EMID1: variants seen among roughly 807,000 people sequenced by gnomAD.
EMID1 encodes the protein EMI domain-containing protein 1.
Under a neutral mutation model 60.6 loss-of-function variants are expected in EMID1, and 40 were observed. The ratio of observed to expected loss-of-function variants is 0.66; its 90% CI spans 0.51 to 0.86. The LOEUF is 0.86. Among genes scored for constraint, EMID1 ranks in the 40% least tolerant of loss-of-function variants. The probability of loss-of-function intolerance (pLI) is 0.00; values close to 1 mark genes in which losing one functional copy is unlikely to be tolerated. For missense variants in EMID1, 585 were observed against 597.1 expected (o/e 0.98, Z 0.21); for synonymous variants, 242 against 231.0 (o/e 1.05, Z -0.43).
In EMID1 at chr22:29,238,541, C is replaced by G. The variant is rs937299461; in HGVS notation, c.1074+4192C>G. On this transcript the variant is annotated intron_variant, in intron 12 of 14. Transcript: ENST00000334018. ...CAAGCGATTCTCCTGCCTCAGCCTCCCAAATAGCTGGGATTACAGGCACCT... is the reference window on the plus strand; with the variant it reads ...CAAGCGATTCTCCTGCCTCAGCCTCGCAAATAGCTGGGATTACAGGCACCT... Among the ~76,000 whole-genome samples the G allele has an allele frequency of 5.6e-5, 8 of 142,482 alleles. 2 individuals are homozygous for G. Among genetic ancestry groups the G allele is most frequent in the African/African-American group, 2.2e-4 (8 of 35,740 alleles). The allele number at this position is 142,482 out of a possible 152,430, so 93.5% of individuals were successfully genotyped here.
chr22:29,227,704 CAAAAAAA>C (rs560219761), intron 5 of EMID1, among the ~76,000 whole-genome samples: 1 of 88,952 alleles, frequency 1.1e-5, no homozygotes, highest in Non-Finnish European at 2.1e-5. Context: ...GACTCTGTCT[CAAAAAAA>C]AAAAAAAAAA....
chr22:29,245,368 C>T (rs1172066882), intron 13 of EMID1, among the ~76,000 whole-genome samples: 1 of 152,200 alleles, frequency 6.6e-6, no homozygotes, highest in Non-Finnish European at 1.5e-5. Context: ...TTGGGCAGTC[C>T]TGTCCCTTCA....
intron 13 of EMID1, among the ~76,000 whole-genome samples, chr22:29,253,725 C>T (rs1360572081): frequency 6.6e-6 from 1 of 152,150 alleles, no homozygotes; most frequent in Non-Finnish European, 1.5e-5. Flanking sequence ...ACTCACTGAT[C>T]GGAGTAATTA....
At chr22:29,225,826 C>T (rs1296675196) in intron 4 of EMID1, among the ~76,000 whole-genome samples, 1 of 152,246 alleles carries the variant, frequency 6.6e-6, no homozygotes, top group Non-Finnish European at 1.5e-5. Flanking sequence ...GCTGGGCCAG[C>T]AGCTGGGAGG....
intron 13 of EMID1, among the ~76,000 whole-genome samples, chr22:29,250,465 C>G (rs1227291489): frequency 1.3e-5 from 2 of 152,206 alleles, no homozygotes; most frequent in Non-Finnish European, 2.9e-5. Context: ...GGCAGGGGCA[C>G]CTGTGGTGCC....
intron 8 of EMID1, 129 bp downstream of exon 8, chr22:29,232,531 C>T: frequency 9.3e-7 from 1 of 1,077,304 alleles, no homozygotes; most frequent in Non-Finnish European, 1.3e-6. Flanking sequence ...GTGACCCAGT[C>T]CTCCAGCAGG....
At position 29,215,600 on chromosome 22, in the gene EMID1, C is replaced by G; in HGVS notation, c.289C>G (p.Pro97Ala). The change falls in exon 3 of 15, where the codon CCT becomes GCT. Residue 97 changes from proline (P) to alanine (A), a missense_variant. Physicochemically the swap from Pro to Ala is conservative, Grantham distance 27. Coordinates refer to ENST00000334018, the MANE Select transcript of EMID1 (RefSeq NM_133455.4). Reference protein sequence around the residue: ...IVTAREWRCCPGHSGVSCEEV... With the variant: ...IVTAREWRCCAGHSGVSCEEV... Reference sequence around the variant, plus strand: ...GACCGCCCGTGAGTGGAGGTGCTGCCCTGGGCACTCAGGAGTGAGCTGCGA... The same window carrying G: ...GACCGCCCGTGAGTGGAGGTGCTGCGCTGGGCACTCAGGAGTGAGCTGCGA... The G allele has an allele frequency of 1.2e-6, 2 of 1,614,108 alleles. No homozygotes were observed. Among genetic ancestry groups the G allele is most frequent in the Non-Finnish European group, 1.7e-6 (2 of 1,179,982 alleles).
In EMID1 at chr22:29,258,146, C is replaced by A. The variant is rs1004615121; in HGVS notation, c.1205-671C>A. On this transcript the variant is annotated intron_variant, in intron 14 of 14. Transcript: ENST00000334018. ...TCTCCTCCCTGAGTGTCCATCTCCCCCTAGAAAAACAGCCTATTCTTCTGA... is the reference window on the plus strand; with the variant it reads ...TCTCCTCCCTGAGTGTCCATCTCCCACTAGAAAAACAGCCTATTCTTCTGA... Among the ~76,000 whole-genome samples the A allele has an allele frequency of 4.6e-5, 7 of 152,302 alleles. No homozygotes were observed. In the East Asian group the frequency reaches 1.3e-3, roughly 29 times the overall value.
In EMID1 at chr22:29,231,697, T is replaced by A. The variant is rs1442258275; in HGVS notation, c.676+15T>A. The A allele has an allele frequency of 1.4e-6, 2 of 1,447,264 alleles. No individual in the cohort carries two copies. Among genetic ancestry groups the A allele is most frequent in the Non-Finnish European group, 1.8e-6 (2 of 1,096,156 alleles). The allele number at this position is 1,447,264 out of a possible 1,614,324, so 89.7% of individuals were successfully genotyped here. ...AGGCCCACCAGGTGAGTGCCCGCAA[T>A]GCTGCCCCACAGCTCCTCTGGCCAT... On this transcript the variant is annotated intron_variant, in intron 7 of 14. Transcript: ENST00000334018.
At position 29,236,921 on chromosome 22, in the gene EMID1, C is replaced by T. The variant is rs1336753149; in HGVS notation, c.1074+2572C>T. On this transcript the variant is annotated intron_variant, in intron 12 of 14. Transcript: ENST00000334018. ...AAGCAATTCTCCTGCCTCAGCCTCCCAAGTAGCTGGGACTACAGGCGCCCA... is the reference window on the plus strand; with the variant it reads ...AAGCAATTCTCCTGCCTCAGCCTCCTAAGTAGCTGGGACTACAGGCGCCCA... 2.6e-5 allele frequency among the ~76,000 whole-genome samples: 4 copies of T among 151,174 alleles called. No individual in the cohort carries two copies. The East Asian group carries it at 8.0e-4, about 30-fold the overall frequency.
intron 14 of EMID1, among the ~76,000 whole-genome samples, chr22:29,257,176 C>G (rs1345301458): frequency 6.6e-6 from 1 of 152,158 alleles, no homozygotes; most frequent in Admixed American, 6.5e-5. Flanking sequence ...CCCCTCAAGC[C>G]AGCTTGGGTC....
intron 14 of EMID1, among the ~76,000 whole-genome samples, chr22:29,256,040 TG>T (rs1443089571): frequency 2.6e-5 from 4 of 152,110 alleles, no homozygotes; most frequent in Admixed American, 2.6e-4. Context: ...AGCCTGTGGC[TG>T]GCCCTGAAGA....
At chr22:29,212,519 T>TG (rs1568967317) in intron 1 of EMID1, among the ~76,000 whole-genome samples, 2 of 151,154 alleles carry the variant, frequency 1.3e-5, no homozygotes, top group Non-Finnish European at 1.5e-5. Flanking sequence ...CATGGGTGCC[T>TG]GGGGCACGTC....
intron 3 of EMID1, among the ~76,000 whole-genome samples, chr22:29,224,469 G>T (rs113821302): frequency 6.6e-6 from 1 of 152,150 alleles, no homozygotes; most frequent in Non-Finnish European, 1.5e-5. Flanking sequence ...GGGTGAGGGG[G>T]GTTCTCCTCC....
chr22:29,225,047 T>C (rs2040447413), intron 3 of EMID1, 86 bp from the exon 4 acceptor site: 3 of 1,379,026 alleles, frequency 2.2e-6, no homozygotes, highest in Non-Finnish European at 1.0e-6. Context: ...GCAGTAGGGG[T>C]CCCTGCTGGG....
intron 1 of EMID1, among the ~76,000 whole-genome samples, chr22:29,207,015 C>T (rs1170681483): frequency 6.6e-6 from 1 of 152,230 alleles, no homozygotes; most frequent in African/African-American, 2.4e-5. Flanking sequence ...CCGCCGTTGT[C>T]CAAGGCAGAC....
intron 1 of EMID1, 63 bp downstream of exon 1, chr22:29,206,202 C>A: frequency 8.6e-7 from 1 of 1,162,476 alleles, no homozygotes. Context: ...CACGCCCCCA[C>A]CTCCAGGAAG....
intron 12 of EMID1, among the ~76,000 whole-genome samples, chr22:29,236,670 G>A (rs1281310362): frequency 1.3e-5 from 2 of 151,842 alleles, no homozygotes; most frequent in Non-Finnish European, 2.9e-5. Flanking sequence ...CAGCCTGGGC[G>A]ACAGAGTGAG....
intron 5 of EMID1, among the ~76,000 whole-genome samples, chr22:29,227,020 A>G (rs1324552102): frequency 1.3e-5 from 2 of 148,770 alleles, no homozygotes; most frequent in Non-Finnish European, 3.0e-5. Flanking sequence ...CCATAATACT[A>G]TCTTCCTGGT....
Sources: allele counts gnomAD v4.1 joint callset (sites outside exome capture counted in the v4.1 genomes callset), GRCh38; gene constraint gnomAD v4.1.1; transcripts MANE v1.5; gene names NCBI Gene and HGNC (gene_info 2026-07-23, HGNC 2026-07-21).